Variants in PCDH15 observed in about 807,000 individuals in gnomAD.
The protein encoded by PCDH15 is protocadherin-15.
A neutral mutation model predicts 178.5 loss-of-function variants in PCDH15; 129 were observed. The ratio of observed to expected loss-of-function variants is 0.72; its 90% confidence interval spans 0.63 to 0.84. The LOEUF is 0.84. PCDH15 is among the 40% of genes least tolerant of loss of function. PCDH15 has a pLI of 0.00. For synonymous variants in PCDH15, 800 were observed against 732.0 expected, an observed-to-expected ratio of 1.09 and a Z score of -1.50; for missense variants, 2,230 against 2,099.9, an observed-to-expected ratio of 1.06 and a Z score of -1.21.
At chr10:54,582,964 A>G (rs1222847413) in intron 2 of PCDH15, among the ~76,000 whole-genome samples, 2 of 152,148 alleles carry the variant, frequency 1.3e-5, no homozygotes, top group East Asian at 3.8e-4. Context: ...CATATTAATA[A>G]AAACAATAAA....
At chr10:55,513,378 G>GTA (rs545558740) in intron 2 of PCDH15, among the ~76,000 whole-genome samples, 114 of 152,052 alleles carry the variant, frequency 7.5e-4, no homozygotes, top group African/African-American at 2.6e-3. Flanking sequence ...CATCTATGTA[G>GTA]TATTCTCTAG....
At chr10:54,589,347 A>T (rs1025602607) in intron 2 of PCDH15, among the ~76,000 whole-genome samples, 1 of 152,158 alleles carries the variant, frequency 6.6e-6, no homozygotes, top group Non-Finnish European at 1.5e-5. Context: ...TTAGGTAATT[A>T]TTTCAATCAA....
chr10:54,091,730 CA>C (rs1453202612), intron 15 of PCDH15, among the ~76,000 whole-genome samples: 3 of 152,198 alleles, frequency 2.0e-5, no homozygotes, highest in Non-Finnish European at 4.4e-5. Context: ...CCTATGACAT[CA>C]TATTGTCCTG....
chr10:54,351,941 G>T (rs981060905), intron 5 of PCDH15, among the ~76,000 whole-genome samples: 2 of 152,128 alleles, frequency 1.3e-5, no homozygotes, highest in African/African-American at 2.4e-5. Flanking sequence ...TCACGAAACC[G>T]ATGGTATGCT....
chr10:54,359,395 T>G (rs945300796), intron 5 of PCDH15, among the ~76,000 whole-genome samples: 13 of 151,716 alleles, frequency 8.6e-5, no homozygotes, highest in African/African-American at 3.1e-4. Context: ...ATCAGGGAAC[T>G]GTATATGGGA....
chr10:54,722,117 C>T (rs1256688908), intron 1 of PCDH15, among the ~76,000 whole-genome samples: 1 of 151,654 alleles, frequency 6.6e-6, no homozygotes, highest in African/African-American at 2.4e-5. Flanking sequence ...ATAGAAAAAA[C>T]ATATGATTAT....
chr10:54,702,427 G>A (rs2095318108), intron 1 of PCDH15, among the ~76,000 whole-genome samples: 1 of 151,108 alleles, frequency 6.6e-6, no homozygotes, highest in African/African-American at 2.4e-5. Context: ...CAAATTTAGT[G>A]GTTGTTTCTT....
At chr10:54,133,119 T>C in intron 14 of PCDH15, 112 bp from the exon 15 acceptor site, 1 of 1,317,264 alleles carries the variant, frequency 7.6e-7, no homozygotes, top group Non-Finnish European at 1.1e-6. Context: ...TTCCAAATTT[T>C]ATGAAAAATA....
chr10:54,679,444 C>T (rs1222895116), intron 1 of PCDH15, among the ~76,000 whole-genome samples: 1 of 152,194 alleles, frequency 6.6e-6, no homozygotes, highest in South Asian at 2.1e-4. Flanking sequence ...TTCCAAAAAT[C>T]ATTCTTCGTG....
intron 8 of PCDH15, among the ~76,000 whole-genome samples, chr10:54,315,404 A>AAGG (rs2133597019): frequency 6.6e-6 from 1 of 152,208 alleles, no homozygotes; most frequent in South Asian, 2.1e-4. Context: ...TGTAATTTTA[A>AAGG]ATTCCTCATA....
At chr10:54,143,408 T>G (rs1387851849) in intron 14 of PCDH15, among the ~76,000 whole-genome samples, 1 of 152,180 alleles carries the variant, frequency 6.6e-6, no homozygotes, top group East Asian at 1.9e-4. Context: ...GCTTTGATCC[T>G]TCTCAAAAAG....
chr10:54,918,730 T>C (rs928136647), intron 2 of PCDH15, among the ~76,000 whole-genome samples: 1 of 152,124 alleles, frequency 6.6e-6, no homozygotes, highest in African/African-American at 2.4e-5. Flanking sequence ...TAAAAATACT[T>C]GTATGTGTAA....
At chr10:55,107,450 A>G (rs929247909) in intron 2 of PCDH15, among the ~76,000 whole-genome samples, 5 of 151,854 alleles carry the variant, frequency 3.3e-5, no homozygotes, top group Admixed American at 2.0e-4. Flanking sequence ...ATATTCATAG[A>G]AATAGATAAA....
At chr10:54,816,733 T>C (rs1031852778) in intron 3 of PCDH15, among the ~76,000 whole-genome samples, 1 of 152,206 alleles carries the variant, frequency 6.6e-6, no homozygotes, top group Middle Eastern at 3.4e-3. Flanking sequence ...GGCCCAATGC[T>C]ACAAAAATAA....
chr10:55,282,031 C>T (rs1263386256), intron 1 of PCDH15, among the ~76,000 whole-genome samples: 1 of 152,126 alleles, frequency 6.6e-6, no homozygotes, highest in African/African-American at 2.4e-5. Flanking sequence ...TTGACTTTGG[C>T]TAACCCTTTT....
intron 37 of PCDH15, chr10:53,809,087 C>T: frequency 6.2e-7 from 1 of 1,613,878 alleles, no homozygotes; most frequent in Non-Finnish European, 8.5e-7. Flanking sequence ...TTTTTCCTTG[C>T]TTTTTCTCCT....
intron 2 of PCDH15, among the ~76,000 whole-genome samples, chr10:55,326,676 G>T (rs1230700636): frequency 6.6e-6 from 1 of 151,832 alleles, no homozygotes; most frequent in African/African-American, 2.4e-5. Context: ...TAAATTATTT[G>T]CAATATAACA....
intron 2 of PCDH15, among the ~76,000 whole-genome samples, chr10:54,528,895 C>T (rs886845044): frequency 5.9e-5 from 9 of 151,808 alleles, no homozygotes; most frequent in African/African-American, 1.9e-4. Flanking sequence ...AAAACTTTGC[C>T]TGCAGGATGT....
At chr10:54,421,885 C>CACTATATATATATAT (rs1565231706) in intron 3 of PCDH15, among the ~76,000 whole-genome samples, 655 of 22,822 alleles carry the variant, frequency 0.029, 18 homozygotes, top group African/African-American at 0.052. Context: ...TATATATATA[C>CACTATATATATATAT]ACACACACAC....
Sources: allele counts gnomAD v4.1 joint callset (sites outside exome capture counted in the v4.1 genomes callset), GRCh38; gene constraint gnomAD v4.1.1; transcripts MANE v1.5; gene names NCBI Gene and HGNC (gene_info 2026-07-23, HGNC 2026-07-21).